The following NBEAL1 variants were observed in gnomAD, a reference collection of about 807,000 sequenced individuals.
NBEAL1 encodes neurobeachin-like protein 1.
A neutral mutation model predicts 351.3 loss-of-function variants in NBEAL1; 273 were observed. That is an observed-to-expected ratio of 0.78 (90% CI 0.70 to 0.86). The LOEUF is 0.86. Among genes scored for constraint, NBEAL1 ranks in the 40% least tolerant of loss-of-function variants. The pLI is 0.00. For synonymous variants in NBEAL1, 1,050 were observed against 1,086.4 expected (o/e 0.97, Z 0.66); for missense variants, 2,961 against 3,201.3 (o/e 0.92, Z 1.81).
chr2:203,095,168 T>G (rs1165481304), intron 10 of NBEAL1, among the ~76,000 whole-genome samples: 1 of 152,158 alleles, frequency 6.6e-6, no homozygotes, highest in Non-Finnish European at 1.5e-5. Context: ...TTATCTTTAG[T>G]AGCAAGGAGA....
chr2:203,170,373 AAAT>A lies in NBEAL1; in HGVS notation c.6102+540_6102+542del, dbSNP rs1200894396. ...GGGCGACAGAGCAAGACTCTGTCAC[AAAT>A]AATAATAATAATAATAACATGGGTT... On this transcript the variant is annotated intron_variant, in intron 39 of 55. Transcript: ENST00000683969. Among the ~76,000 whole-genome samples, 5 of 151,670 alleles carry A rather than the reference AAAT, an allele frequency of 3.3e-5. No individual in the cohort carries two copies. The South Asian group carries it at 8.3e-4, about 25-fold the overall frequency.
At chr2:203,112,402 C>CT (rs1467441100) in intron 16 of NBEAL1, among the ~76,000 whole-genome samples, 1 of 152,172 alleles carries the variant, frequency 6.6e-6, no homozygotes. Context: ...TAAAAGCTCT[C>CT]TAAGTATGTG....
chr2:203,145,386 G>A (rs1423640670), intron 33 of NBEAL1, among the ~76,000 whole-genome samples: 6 of 152,214 alleles, frequency 3.9e-5, no homozygotes, highest in East Asian at 3.9e-4. Context: ...CTGATAGTAC[G>A]TTAATAGATC....
At chr2:203,157,450 AAAT>A (rs2063824816) in intron 35 of NBEAL1, among the ~76,000 whole-genome samples, 1 of 152,146 alleles carries the variant, frequency 6.6e-6, no homozygotes, top group Admixed American at 6.5e-5. Context: ...TTTCTGAAAC[AAAT>A]AATACTGTTA....
chr2:203,018,282 T>TC (rs1334468756), intron 2 of NBEAL1, among the ~76,000 whole-genome samples: 1 of 151,630 alleles, frequency 6.6e-6, no homozygotes, highest in Non-Finnish European at 1.5e-5. Flanking sequence ...CTTTTTTTTT[T>TC]CACACTTTTA....
chr2:203,072,075 C>G (rs2061693315), intron 7 of NBEAL1, among the ~76,000 whole-genome samples: 1 of 152,310 alleles, frequency 6.6e-6, no homozygotes, highest in Admixed American at 6.5e-5. Flanking sequence ...CCTTTGAAAC[C>G]AAGGAAGAGG....
At chr2:203,213,685 A>G (rs1431562210) in intron 55 of NBEAL1, 32 bp downstream of exon 55, 20 of 1,612,710 alleles carry the variant, frequency 1.2e-5, no homozygotes, top group Non-Finnish European at 1.7e-5. Context: ...TTCATTTCTC[A>G]TGCTGTTGGG....
intron 4 of NBEAL1, 31 bp downstream of exon 4, chr2:203,050,006 A>C (rs1330182444): frequency 1.3e-6 from 2 of 1,540,646 alleles, no homozygotes; most frequent in Admixed American, 2.0e-5. Context: ...GCTAGTTTTC[A>C]CTCATAGGTG....
intron 16 of NBEAL1, among the ~76,000 whole-genome samples, 157 bp downstream of exon 16, chr2:203,112,255 G>A (rs1441868343): frequency 1.3e-5 from 2 of 152,086 alleles, no homozygotes; most frequent in African/African-American, 2.4e-5. Context: ...ATTCAATTCT[G>A]TCAGCCTGTC....
chr2:203,121,251 A>G (rs1001398930), intron 18 of NBEAL1, among the ~76,000 whole-genome samples: 2 of 151,924 alleles, frequency 1.3e-5, no homozygotes, highest in Admixed American at 6.6e-5. Flanking sequence ...TTTTATGTGT[A>G]TCTTGAAATT....
In NBEAL1 at chr2:203,107,454, T is replaced by G. The variant is rs1249684906; in HGVS notation, c.1304T>G (p.Met435Arg). Residue 435 changes from methionine (M) to arginine (R), a missense_variant, in exon 13 of 56, where the codon ATG (methionine) becomes AGG (arginine). Physicochemically the swap from Met to Arg is moderately conservative, Grantham distance 91. Coordinates refer to ENST00000683969, the MANE Select transcript of NBEAL1 (RefSeq NM_001378026.1). ...VFKERIGYTH[M>R]LEVLKSLGQP... Reference sequence around the variant, plus strand: ...AAAGAAAGAATTGGTTATACACATATGCTTGAAGTATTAAAATCCCTGGGT... The same window carrying G: ...AAAGAAAGAATTGGTTATACACATAGGCTTGAAGTATTAAAATCCCTGGGT... 1.3e-6 allele frequency: 2 copies of G among 1,550,588 alleles called. No homozygotes were observed. The highest frequency in any genetic ancestry group is 1.7e-6 in the Non-Finnish European group (2 of 1,145,666).
intron 39 of NBEAL1, among the ~76,000 whole-genome samples, chr2:203,170,184 A>G (rs2064275478): frequency 6.6e-6 from 1 of 152,158 alleles, no homozygotes. Context: ...CAGCCTGGCC[A>G]ACATGGTGAA....
intron 29 of NBEAL1, among the ~76,000 whole-genome samples, chr2:203,137,338 T>C (rs1268190906): frequency 2.0e-5 from 3 of 152,220 alleles, no homozygotes; most frequent in Non-Finnish European, 4.4e-5. Context: ...ATCATTAGTG[T>C]ATTTTATGTG....
chr2:203,216,997 G>A (rs1267280594), intron 55 of NBEAL1, among the ~76,000 whole-genome samples: 1 of 152,052 alleles, frequency 6.6e-6, no homozygotes, highest in Non-Finnish European at 1.5e-5. Context: ...AGAGACGGAA[G>A]TTTGCCATTT....
Position 203,113,222 on chromosome 2 carries a change from T to TG in NBEAL1, c.2415dup (p.Cys806ValfsTer17). 1 of 1,543,088 alleles carries TG rather than the reference T, an allele frequency of 6.5e-7. No homozygotes were observed. The highest frequency in any genetic ancestry group is 8.7e-7 in the Non-Finnish European group (1 of 1,142,862). ...ATCAGCTGGAACCCAAGACAGTGAA[T>TG]GGGGGTGTCCCACATCTCTGGAGGG... On this transcript the variant is annotated frameshift_variant, in exon 17 of 56. Transcript: ENST00000683969. LOFTEE classifies it high-confidence loss of function.
At chr2:203,088,313 A>G (rs901276385) in intron 10 of NBEAL1, among the ~76,000 whole-genome samples, 1 of 152,152 alleles carries the variant, frequency 6.6e-6, no homozygotes, top group Non-Finnish European at 1.5e-5. Context: ...CTTCCCAGGG[A>G]AAGAAGGAGG....
At chr2:203,110,117 T>C in intron 14 of NBEAL1, 33 bp from the exon 15 acceptor site, 4 of 1,534,098 alleles carry the variant, frequency 2.6e-6, no homozygotes, top group Non-Finnish European at 3.5e-6. Context: ...AACAACCAAC[T>C]TTAAAAGTTC....
chr2:203,065,059 G>A (rs1191879584), intron 6 of NBEAL1, among the ~76,000 whole-genome samples: 2 of 151,878 alleles, frequency 1.3e-5, no homozygotes, highest in Non-Finnish European at 2.9e-5. Flanking sequence ...GGAGTTCGAG[G>A]CCAACCTGGG....
chr2:203,213,723 C>A (rs573881530), intron 55 of NBEAL1, 70 bp downstream of exon 55: 3 of 1,593,860 alleles, frequency 1.9e-6, no homozygotes, highest in African/African-American at 2.7e-5. Context: ...TTCATTCCAA[C>A]TGATTGAGAA....
Sources: allele counts gnomAD v4.1 joint callset (sites outside exome capture counted in the v4.1 genomes callset), GRCh38; gene constraint gnomAD v4.1.1; transcripts MANE v1.5; gene names NCBI Gene and HGNC (gene_info 2026-07-23, HGNC 2026-07-21).